Variants in TENM3 observed in about 807,000 individuals in gnomAD.
The protein encoded by TENM3 is teneurin transmembrane protein 3.
TENM3 carries 63 observed loss-of-function variants against 255.1 expected under a neutral mutation model. The observed-to-expected ratio is 0.25, with a 90% CI of 0.20 to 0.30. TENM3 has a LOEUF of 0.30. Among genes scored for constraint, TENM3 ranks in the 10% least tolerant of loss-of-function variants. TENM3 has a pLI of 1.00. For synonymous variants in TENM3, 1,306 were observed against 1,322.3 expected, an observed-to-expected ratio of 0.99 and a Z score of 0.27; for missense variants, 2,929 against 3,461.1, an observed-to-expected ratio of 0.85 and a Z score of 3.86.
At chr4:181,552,054 C>T in the TENM3 span, among the ~76,000 whole-genome samples, 1 of 151,606 alleles carries the variant, frequency 6.6e-6, no homozygotes, top group Admixed American at 6.6e-5. Context: ...CAGAGAGAGA[C>T]AGTGTGTGTG....
At chr4:182,065,675 G>A in the TENM3 span, among the ~76,000 whole-genome samples, 1 of 152,266 alleles carries the variant, frequency 6.6e-6, no homozygotes, top group African/African-American at 2.4e-5. Flanking sequence ...CACATAGAAA[G>A]CACATCAGTT....
At chr4:181,587,484 A>G in the TENM3 span, among the ~76,000 whole-genome samples, 1 of 152,164 alleles carries the variant, frequency 6.6e-6, no homozygotes, top group Non-Finnish European at 1.5e-5. Flanking sequence ...CTAATACTTC[A>G]TAGCACTACC....
intron 3 of TENM3, among the ~76,000 whole-genome samples, chr4:182,386,691 C>A (rs938950308): frequency 2.0e-5 from 3 of 152,240 alleles, no homozygotes; most frequent in Admixed American, 2.0e-4. Context: ...GGCTTAGCAC[C>A]CAGGCCAGCG....
chr4:182,370,234 G>C (rs1482536188), intron 3 of TENM3, among the ~76,000 whole-genome samples: 1 of 152,162 alleles, frequency 6.6e-6, no homozygotes, highest in African/African-American at 2.4e-5. Flanking sequence ...AGAAAAGTTA[G>C]ATTTAAGATT....
At chr4:182,361,624 A>C (rs955290511) in intron 3 of TENM3, among the ~76,000 whole-genome samples, 13 of 151,536 alleles carry the variant, frequency 8.6e-5, no homozygotes, top group Admixed American at 1.3e-4. Context: ...CATTCGTCTA[A>C]ATTTTTTTCA....
chr4:182,228,974 C>G (rs1467693005), intron 1 of TENM3, among the ~76,000 whole-genome samples: 1 of 152,164 alleles, frequency 6.6e-6, no homozygotes, highest in Non-Finnish European at 1.5e-5. Flanking sequence ...AAGTCACTGC[C>G]AAGCTACACC....
At chr4:181,895,579 C>G in the TENM3 span, among the ~76,000 whole-genome samples, 1 of 107,914 alleles carries the variant, frequency 9.3e-6, no homozygotes, top group Non-Finnish European at 1.7e-5. Context: ...GGATCTTGCT[C>G]TGTTGCCCAG....
At chr4:182,480,146 T>C (rs2151507126) in intron 3 of TENM3, among the ~76,000 whole-genome samples, 1 of 152,160 alleles carries the variant, frequency 6.6e-6, no homozygotes, top group South Asian at 2.1e-4. Context: ...AAAGTGGTTT[T>C]CCAGATATCA....
chr4:182,753,542 G>T lies in TENM3; in HGVS notation c.3955G>T (p.Gly1319Cys). The part of the protein sequence containing the change: ...DQNGIISTLL[G>C]SNDLTSARPL... ...AAATGGAATCATATCAACTCTTCTG[G>T]GCTCTAACGATTTGACTTCAGCCAG... Residue 1319 changes from glycine (G) to cysteine (C), a missense_variant, in exon 21 of 28, where the codon GGC becomes TGC. Gly to Cys is a radical substitution (Grantham distance 159). This residue lies in a region of TENM3 where 1,608 missense variants were observed against 1,884.4 expected (regional missense o/e 0.85). Transcript: ENST00000511685. The T allele has an allele frequency of 6.2e-7, 1 of 1,613,872 alleles. No homozygotes were observed. The highest frequency in any genetic ancestry group is 8.5e-7 in the Non-Finnish European group (1 of 1,179,844).
intron 11 of TENM3, among the ~76,000 whole-genome samples, chr4:182,682,777 A>G (rs180795226): frequency 3.9e-4 from 59 of 151,922 alleles, no homozygotes; most frequent in African/African-American, 1.3e-3. Flanking sequence ...GTTGGTTGCA[A>G]CTCATGAGCT....
chr4:181,476,995 A>G, the TENM3 span, among the ~76,000 whole-genome samples: 1 of 152,286 alleles, frequency 6.6e-6, no homozygotes, highest in African/African-American at 2.4e-5. Flanking sequence ...TATTTGTCTC[A>G]TTTTATCAAG....
the TENM3 span, among the ~76,000 whole-genome samples, chr4:182,132,309 C>T: frequency 5.2e-4 from 78 of 150,432 alleles, no homozygotes; most frequent in East Asian, 1.9e-4. Context: ...GAAACCCCGT[C>T]TCTACTAAAA....
chr4:182,678,114 A>G (rs1169190979), intron 7 of TENM3, among the ~76,000 whole-genome samples: 1 of 152,188 alleles, frequency 6.6e-6, no homozygotes, highest in Non-Finnish European at 1.5e-5. Context: ...ACTAGGTAAC[A>G]TTCTATAGAC....
the TENM3 span, among the ~76,000 whole-genome samples, chr4:181,592,290 C>T: frequency 2.0e-5 from 3 of 147,968 alleles, no homozygotes; most frequent in Non-Finnish European, 4.5e-5. Flanking sequence ...GCTGAGAAGG[C>T]CCCTTCTATC....
chr4:182,431,517 A>G (rs1375610279), intron 3 of TENM3, among the ~76,000 whole-genome samples: 1 of 152,058 alleles, frequency 6.6e-6, no homozygotes, highest in Non-Finnish European at 1.5e-5. Context: ...AAAGAAAAGG[A>G]TGGGTGAGAT....
chr4:182,525,958 T>C (rs1235754259), intron 3 of TENM3, among the ~76,000 whole-genome samples: 1 of 152,196 alleles, frequency 6.6e-6, no homozygotes, highest in Non-Finnish European at 1.5e-5. Flanking sequence ...CCTATTGCAT[T>C]AGCCTCTTTC....
chr4:181,924,231 CG>C, the TENM3 span, among the ~76,000 whole-genome samples: 1 of 152,236 alleles, frequency 6.6e-6, no homozygotes, highest in Non-Finnish European at 1.5e-5. Flanking sequence ...GCATCCATCT[CG>C]TCCCTCCACA....
chr4:182,132,534 T>C, the TENM3 span, among the ~76,000 whole-genome samples: 8 of 152,296 alleles, frequency 5.3e-5, no homozygotes, highest in Non-Finnish European at 8.8e-5. Context: ...TGTAAATCTG[T>C]ACAACATATA....
chr4:181,832,565 A>G, the TENM3 span, among the ~76,000 whole-genome samples: 19 of 152,308 alleles, frequency 1.2e-4, no homozygotes, highest in East Asian at 1.4e-3. Flanking sequence ...CTAAATATCT[A>G]TGACACATCT....
Sources: gnomAD v4.1 joint callset for allele counts (sites outside exome capture counted in the v4.1 genomes callset) on GRCh38, gnomAD v4.1.1 for gene constraint, gnomAD v4.1.1 regional missense constraint, MANE v1.5 for transcripts, NCBI Gene and HGNC (gene_info 2026-07-23, HGNC 2026-07-21) for gene names.